Variants in DYSF observed in about 807,000 individuals in gnomAD.
The protein encoded by DYSF is dysferlin.
Under a neutral mutation model 274.9 loss-of-function variants are expected in DYSF, and 212 were observed. The ratio of observed to expected loss-of-function variants is 0.77; its 90% CI spans 0.69 to 0.86. The LOEUF (loss-of-function observed/expected upper bound fraction) is 0.86, where lower values mean the gene tolerates loss of function less well. Among genes scored for constraint, DYSF ranks in the 40% least tolerant of loss-of-function variants. DYSF has a pLI of 0.00. For synonymous variants in DYSF, 1,091 were observed against 1,078.7 expected (o/e 1.01, Z -0.22); for missense variants, 2,666 against 2,783.2 (o/e 0.96, Z 0.95).
At position 71,682,933 on chromosome 2, in the gene DYSF, C is replaced by G. The variant is rs554976771; in HGVS notation, c.6321+256C>G. Among the ~76,000 whole-genome samples, 9 of 152,300 alleles carry G rather than the reference C, an allele frequency of 5.9e-5. No homozygotes were observed. In the East Asian group the frequency reaches 1.4e-3, roughly 23 times the overall value. ...CCCTTCATGGTGAGACAAAGCTGTCCTCAGCAAGCCCCTAGAATTTGTAAT... is the reference window on the plus strand; with the variant it reads ...CCCTTCATGGTGAGACAAAGCTGTCGTCAGCAAGCCCCTAGAATTTGTAAT... On this transcript the variant is annotated intron_variant, in intron 55 of 55. Coordinates refer to ENST00000410020, the MANE Select transcript of DYSF (RefSeq NM_001130987.2).
chr2:71,453,614 C>A, exon 1 of DYSF: 1 of 340,460 alleles, frequency 2.9e-6, no homozygotes, highest in Non-Finnish European at 5.8e-6. Flanking sequence ...AGTCCAGCCC[C>A]CGGCCATCGC....
At chr2:71,496,412 C>T (rs181187465) in intron 3 of DYSF, among the ~76,000 whole-genome samples, 304 of 152,174 alleles carry the variant, frequency 2.0e-3, no homozygotes, top group Middle Eastern at 0.01. Flanking sequence ...GAGGGGAACA[C>T]GGGGACAAGC....
chr2:71,610,188 T>A lies in DYSF; in HGVS notation c.3958-1057T>A, dbSNP rs190578943. On this transcript the variant is annotated intron_variant, in intron 36 of 55. Transcript: ENST00000410020. ...CAGAAAATATGACAACTTTCTGACA[T>A]GGAAGTAAAGAGTCTTAAGCACATT... Among the ~76,000 whole-genome samples, 157 of 152,318 alleles carry A rather than the reference T, an allele frequency of 1.0e-3. 4 individuals are homozygous for A. In the East Asian group the frequency reaches 0.026, roughly 25 times the overall value.
At chr2:71,587,792 A>G (rs2093122331) in intron 30 of DYSF, among the ~76,000 whole-genome samples, 1 of 152,176 alleles carries the variant, frequency 6.6e-6, no homozygotes, top group African/African-American at 2.4e-5. Flanking sequence ...GGCCAAAGGA[A>G]GAGGAGAGTC....
rs772573340 is a variant in DYSF at position 71,589,639 on chromosome 2, C to T, written c.3449C>T (p.Thr1150Ile). Residue 1150 changes from threonine (T) to isoleucine (I), a missense_variant, in exon 31 of 56, where the codon ACC becomes ATC. Coordinates refer to ENST00000410020, the MANE Select transcript of DYSF (RefSeq NM_001130987.2). ...DKSEDSMSVS[T>I]LSFGVNRPTI... ...AGTGAAGATTCCATGTCCGTCTCCA[C>T]CTTGAGCTTCGGTGTGAACAGACCC... The T allele has an allele frequency of 9.3e-6, 15 of 1,614,032 alleles. No individual in the cohort carries two copies. The highest frequency in any genetic ancestry group is 3.4e-6 in the Non-Finnish European group (4 of 1,180,028).
chr2:71,548,573 C>T (rs2090668832), intron 17 of DYSF, among the ~76,000 whole-genome samples: 1 of 116,422 alleles, frequency 8.6e-6, no homozygotes, highest in Non-Finnish European at 2.3e-5. Context: ...GCATCGCATA[C>T]CTGCCTAGCA....
intron 52 of DYSF, 139 bp downstream of exon 52, chr2:71,674,435 G>T (rs1385769883): frequency 3.8e-6 from 3 of 796,358 alleles, no homozygotes; most frequent in East Asian, 2.7e-5. Flanking sequence ...GGAGCTCAGG[G>T]TCATGTGTCC....
intron 52 of DYSF, among the ~76,000 whole-genome samples, chr2:71,675,648 T>G (rs543777798): frequency 6.6e-6 from 1 of 152,312 alleles, no homozygotes; most frequent in African/African-American, 2.4e-5. Context: ...TGACTTCTAT[T>G]ATTTTACTTA....
At position 71,480,910 on chromosome 2, in the gene DYSF, AG is replaced by A. The variant is rs746833738; in HGVS notation, c.120del (p.Asn41ThrfsTer3). 6.2e-7 allele frequency: 1 copy of A among 1,614,210 alleles called. No homozygotes were observed. The highest frequency in any genetic ancestry group is 8.5e-7 in the Non-Finnish European group (1 of 1,180,016). On this transcript the variant is annotated frameshift_variant, in exon 2 of 56. Coordinates refer to ENST00000410020, the MANE Select transcript of DYSF (RefSeq NM_001130987.2). LOFTEE classifies it high-confidence loss of function. Reference protein sequence around the residue: ...RGVKKRTKVIKNSVNPVWNEG... With the variant: ...RGVKKRTKVIXNSVNPVWNEG... ...GTGAAGAAGAGAACCAAAGTCATCA[AG>A]AACAGCGTGAACCCTGTATGGAATG...
At chr2:71,583,043 C>CA (rs143738269) in intron 30 of DYSF, among the ~76,000 whole-genome samples, 10,329 of 49,854 alleles carry the variant, frequency 0.21, 2,401 homozygotes, top group Non-Finnish European at 0.26. Context: ...GACTCCATCT[C>CA]AAAAAAAAAA....
intron 17 of DYSF, among the ~76,000 whole-genome samples, chr2:71,544,325 G>C (rs1173802855): frequency 3.3e-5 from 5 of 152,050 alleles, no homozygotes; most frequent in Admixed American, 2.0e-4. Context: ...AGGTTAACGT[G>C]CCCAGTTTCT....
At chr2:71,526,415 C>CTGGGGGGGGGGGGG in intron 13 of DYSF, 69 bp downstream of exon 13, 2 of 411,244 alleles carry the variant, frequency 4.9e-6, no homozygotes, top group East Asian at 8.3e-5. Flanking sequence ...TGGGGGTGGG[C>CTGGGGGGGGGGGGG]GATGGCGGGC....
At chr2:71,606,938 T>G (rs1391414484) in intron 36 of DYSF, among the ~76,000 whole-genome samples, 1 of 152,156 alleles carries the variant, frequency 6.6e-6, no homozygotes, top group Non-Finnish European at 1.5e-5. Context: ...CCACCCACTC[T>G]TCTGTCTTCA....
chr2:71,481,191 AGGTAAAG>A (rs1201055744), intron 2 of DYSF, among the ~76,000 whole-genome samples: 4 of 152,222 alleles, frequency 2.6e-5, no homozygotes, highest in Non-Finnish European at 4.4e-5. Flanking sequence ...CTGGCCAGCC[AGGTAAAG>A]GGTGCTCAGG....
At chr2:71,642,386 C>T (rs901350248) in intron 41 of DYSF, among the ~76,000 whole-genome samples, 11 of 152,156 alleles carry the variant, frequency 7.2e-5, no homozygotes, top group African/African-American at 1.9e-4. Flanking sequence ...AGTTCTTCTG[C>T]GTGTGGGTCA....
chr2:71,664,357 T>C lies in DYSF; in HGVS notation c.5093T>C (p.Ile1698Thr). ...GACCTCCTCTCCAAGGACGAAAAGATCGGTGAGACGGTCGTCGACCTGGAG... is the reference window on the plus strand; with the variant it reads ...GACCTCCTCTCCAAGGACGAAAAGACCGGTGAGACGGTCGTCGACCTGGAG... ...DYDLLSKDEK[I>T]GETVVDLENR... The change falls in exon 46 of 56, where the codon ATC becomes ACC. Residue 1698 changes from isoleucine (I) to threonine (T), a missense_variant. Ile to Thr is a moderately conservative substitution (Grantham distance 89, BLOSUM62 -1). Around this residue, in one of 3 missense-constraint regions of DYSF, gnomAD observed 1,460 missense variants for 1,502.1 expected, o/e 0.97. Transcript: ENST00000410020. 1 of 1,614,170 alleles carries C rather than the reference T, an allele frequency of 6.2e-7. No individual in the cohort carries two copies. The highest frequency in any genetic ancestry group is 8.5e-7 in the Non-Finnish European group (1 of 1,180,030).
At chr2:71,559,963 G>A (rs952194528) in intron 22 of DYSF, among the ~76,000 whole-genome samples, 1 of 152,338 alleles carries the variant, frequency 6.6e-6, no homozygotes, top group East Asian at 1.9e-4. Flanking sequence ...ACCTGGCCCC[G>A]CAGAGGCAGG....
chr2:71,636,925 G>A lies in DYSF; in HGVS notation c.4528-7040G>A, dbSNP rs76941468. Among the ~76,000 whole-genome samples, 1,520 of 152,248 alleles carry A rather than the reference G, an allele frequency of 1.0e-2. 77 individuals are homozygous for A. The highest frequency in any genetic ancestry group is 0.078 in the Admixed American group (1,197 of 15,304). On this transcript the variant is annotated intron_variant, in intron 41 of 55. Transcript: ENST00000410020. ...GGAGCTCTGCAAGGCGAGGGGAGATGCTTCAGGGACAGAGGAGTGACCACT... is the reference window on the plus strand; with the variant it reads ...GGAGCTCTGCAAGGCGAGGGGAGATACTTCAGGGACAGAGGAGTGACCACT...
At position 71,656,238 on chromosome 2, in the gene DYSF, G is replaced by A. The variant is rs191383034; in HGVS notation, c.4703G>A (p.Arg1568Gln). The change falls in exon 43 of 56, where the codon CGG becomes CAG. Residue 1568 changes from arginine to glutamine, a missense_variant. Arg to Gln is a conservative substitution (Grantham distance 43). Around this residue, in one of 3 missense-constraint regions of DYSF, gnomAD observed 1,460 missense variants for 1,502.1 expected, o/e 0.97. Coordinates refer to ENST00000410020, the MANE Select transcript of DYSF (RefSeq NM_001130987.2). ...SDFCNTFKLY[R>Q]GKTQEETEDP... ...TTTTGTAACACCTTCAAGCTGTACC[G>A]GGGCAAGACGCAGGAGGAGACAGAA... 44 of 1,614,174 alleles carry A rather than the reference G, an allele frequency of 2.7e-5. No individual in the cohort carries two copies. The South Asian group carries it at 3.4e-4, about 12-fold the overall frequency.
Sources: gnomAD v4.1 joint callset for allele counts (sites outside exome capture counted in the v4.1 genomes callset) on GRCh38, gnomAD v4.1.1 for gene constraint, gnomAD v4.1.1 regional missense constraint, MANE v1.5 for transcripts, NCBI Gene and HGNC (gene_info 2026-07-23, HGNC 2026-07-21) for gene names.